The following DGKH variants were observed in gnomAD, a reference collection of about 807,000 sequenced individuals.
DGKH encodes diacylglycerol kinase eta.
Under a neutral mutation model 159.3 loss-of-function variants are expected in DGKH, and 90 were observed. The ratio of observed to expected loss-of-function variants is 0.57; its 90% CI spans 0.48 to 0.67. DGKH has a LOEUF of 0.67. Among genes scored for constraint, DGKH ranks in the 30% least tolerant of loss-of-function variants. The pLI, the probability that DGKH is intolerant of heterozygous loss-of-function variation, is 0.00. For missense variants in DGKH, 1,181 were observed against 1,506.1 expected, an observed-to-expected ratio of 0.78 and a Z score of 3.57; for synonymous variants, 536 against 553.8, an observed-to-expected ratio of 0.97 and a Z score of 0.45.
At chr13:42,138,223 G>A (rs1223541671) in intron 3 of DGKH, 6 of 580,898 alleles carry the variant, frequency 1.0e-5, no homozygotes, top group African/African-American at 2.0e-5. Context: ...GTTGGGAATA[G>A]GCAAAGAAGA....
At position 42,168,660 on chromosome 13, in the gene DGKH, C is replaced by T. The variant is rs1318768492; in HGVS notation, c.1228-19C>T. 6.2e-7 allele frequency: 1 copy of T among 1,614,010 alleles called. No homozygotes were observed. The highest frequency in any genetic ancestry group is 8.5e-7 in the Non-Finnish European group (1 of 1,180,010). ...TTTCTCAACTTGTCTGAAAGTCACC[C>T]TGTTGCACTGTCTTTCAGTGTCAGC... is the stretch of plus-strand genomic sequence containing the variant. On this transcript the variant is annotated intron_variant, in intron 10 of 29. Transcript: ENST00000337343.
In DGKH at chr13:42,083,049, A is replaced by C. The variant is rs770864143; in HGVS notation, c.192+34084A>C. On this transcript the variant is annotated intron_variant, in intron 1 of 29. Transcript: ENST00000337343. ...TTTAGGAAAAAAGCTAGAAAATCCA[A>C]CTTCAGCTAGAGTAACAGTAGTAAC... 4.6e-5 allele frequency among the ~76,000 whole-genome samples: 7 copies of C among 152,310 alleles called. No homozygotes were observed. In the Middle Eastern group the frequency reaches 0.014, roughly 296 times the overall value.
At chr13:42,098,424 T>C (rs1305749835) in intron 1 of DGKH, among the ~76,000 whole-genome samples, 1 of 151,982 alleles carries the variant, frequency 6.6e-6, no homozygotes, top group Non-Finnish European at 1.5e-5. Flanking sequence ...GATGCAGAGG[T>C]TCCAGCGAGC....
chr13:42,116,636 A>G (rs911866444), intron 1 of DGKH, among the ~76,000 whole-genome samples: 3 of 152,236 alleles, frequency 2.0e-5, no homozygotes, highest in Admixed American at 6.5e-5. Flanking sequence ...CAAAAGGCTC[A>G]TCGAAGGGCT....
intron 29 of DGKH, among the ~76,000 whole-genome samples, chr13:42,224,117 A>G (rs1218889175): frequency 6.6e-6 from 1 of 152,142 alleles, no homozygotes; most frequent in Non-Finnish European, 1.5e-5. Flanking sequence ...ATAATATTCC[A>G]ATGTATATAT....
intron 1 of DGKH, among the ~76,000 whole-genome samples, chr13:42,055,954 A>T (rs2137654262): frequency 6.6e-6 from 1 of 152,332 alleles, no homozygotes; most frequent in East Asian, 1.9e-4. Context: ...GTCTGAGACA[A>T]ACTTTAGCAA....
intron 29 of DGKH, among the ~76,000 whole-genome samples, chr13:42,226,533 CAT>C (rs559329373): frequency 2.6e-4 from 40 of 152,224 alleles, no homozygotes; most frequent in African/African-American, 8.9e-4. Flanking sequence ...ATAGCAAAGA[CAT>C]GGAATCAACC....
chr13:42,120,026 G>A (rs1328724599), intron 1 of DGKH, among the ~76,000 whole-genome samples: 1 of 152,114 alleles, frequency 6.6e-6, no homozygotes, highest in Non-Finnish European at 1.5e-5. Context: ...CTCTATGGCA[G>A]TGTCCTTTTA....
intron 27 of DGKH, 25 bp downstream of exon 27, chr13:42,219,374 C>T (rs1003458818): frequency 1.9e-6 from 3 of 1,611,452 alleles, no homozygotes; most frequent in African/African-American, 2.7e-5. Context: ...GCCTGTTTCT[C>T]TAGAAATGTA....
intron 7 of DGKH, among the ~76,000 whole-genome samples, chr13:42,164,890 CT>C (rs1956274619): frequency 1.3e-5 from 2 of 152,190 alleles, no homozygotes; most frequent in Non-Finnish European, 2.9e-5. Flanking sequence ...TAGATTTTAT[CT>C]TTGTTAAATT....
chr13:42,158,823 A>T (rs1219787314), intron 5 of DGKH, among the ~76,000 whole-genome samples: 1 of 152,198 alleles, frequency 6.6e-6, no homozygotes, highest in Non-Finnish European at 1.5e-5. Context: ...TTTTATATGT[A>T]TAGAAAAATA....
intron 8 of DGKH, among the ~76,000 whole-genome samples, chr13:42,166,004 C>T (rs1248933528): frequency 6.6e-6 from 1 of 152,088 alleles, no homozygotes; most frequent in Non-Finnish European, 1.5e-5. Flanking sequence ...ACTTGAGCAA[C>T]TGTGGATTTT....
chr13:42,059,680 T>C (rs1466701241), intron 1 of DGKH, among the ~76,000 whole-genome samples: 1 of 152,228 alleles, frequency 6.6e-6, no homozygotes, highest in East Asian at 1.9e-4. Flanking sequence ...AATATCTTTC[T>C]AAGAGCCTTC....
intron 1 of DGKH, among the ~76,000 whole-genome samples, chr13:42,065,615 A>T (rs990990045): frequency 1.3e-5 from 2 of 152,138 alleles, no homozygotes; most frequent in African/African-American, 4.8e-5. Context: ...TGGAGTGAAC[A>T]GGTGAGTCAC....
chr13:42,070,837 G>A (rs1452779124), intron 1 of DGKH: 36 of 1,337,278 alleles, frequency 2.7e-5, no homozygotes, highest in Non-Finnish European at 5.4e-6. Flanking sequence ...GCTCCCACTG[G>A]GACCAGGAAT....
chr13:42,107,835 A>T (rs918433139), intron 1 of DGKH, among the ~76,000 whole-genome samples: 4 of 151,662 alleles, frequency 2.6e-5, no homozygotes, highest in African/African-American at 9.7e-5. Flanking sequence ...GCCTTTGGGG[A>T]CCCCTGGTAT....
chr13:42,065,736 G>A (rs897791910), intron 1 of DGKH, among the ~76,000 whole-genome samples: 39 of 152,250 alleles, frequency 2.6e-4, no homozygotes, highest in Non-Finnish European at 3.7e-4. Context: ...GAAGGAGGCC[G>A]GGGTCCCATC....
At chr13:42,119,580 C>G (rs1170170) in intron 1 of DGKH, among the ~76,000 whole-genome samples, 35,854 of 152,086 alleles carry the variant, frequency 0.24, 4,802 homozygotes, top group African/African-American at 0.36. Context: ...CTACATTATC[C>G]TCTTAAAAGT....
At chr13:42,087,930 A>G (rs907485511) in intron 1 of DGKH, among the ~76,000 whole-genome samples, 3 of 152,166 alleles carry the variant, frequency 2.0e-5, no homozygotes, top group African/African-American at 7.2e-5. Flanking sequence ...ATCAGCTTCA[A>G]TCAGAAGAAT....
Sources: allele counts gnomAD v4.1 joint callset (sites outside exome capture counted in the v4.1 genomes callset), GRCh38; gene constraint gnomAD v4.1.1; transcripts MANE v1.5; gene names NCBI Gene and HGNC (gene_info 2026-07-23, HGNC 2026-07-21).